CD163L1: variants seen among roughly 807,000 people sequenced by gnomAD.
The protein encoded by CD163L1 is scavenger receptor cysteine-rich type 1 protein M160.
In CD163L1, 124 loss-of-function variants were observed where a neutral mutation model predicts 165.4. The ratio of observed to expected loss-of-function variants is 0.75; its 90% CI spans 0.65 to 0.87. The LOEUF (loss-of-function observed/expected upper bound fraction) is 0.87, where lower values mean the gene tolerates loss of function less well. Ranked by LOEUF, CD163L1 falls within the 40% of genes least tolerant of loss-of-function variation. CD163L1 has a pLI of 0.00. For synonymous variants in CD163L1, 585 were observed against 662.2 expected, an observed-to-expected ratio of 0.88 and a Z score of 1.79; for missense variants, 1,525 against 1,799.9, an observed-to-expected ratio of 0.85 and a Z score of 2.76.
intron 9 of CD163L1, among the ~76,000 whole-genome samples, chr12:7,378,155 T>A (rs187764272): frequency 6.6e-6 from 1 of 152,352 alleles, no homozygotes; most frequent in East Asian, 1.9e-4. Flanking sequence ...GAAACCTTTA[T>A]CTTTATTTCC....
chr12:7,440,068 T>C, intron 2 of CD163L1: 1 of 1,094,176 alleles, frequency 9.1e-7, no homozygotes, highest in Non-Finnish European at 1.4e-6. Flanking sequence ...CGCTCCGCCC[T>C]ACTCCACATC....
rs1555200524 is a variant in CD163L1 at position 7,408,093 on chromosome 12, A to ATATATC, written c.767-1242_767-1241insGATATA. On this transcript the variant is annotated intron_variant, in intron 4 of 19. Coordinates refer to ENST00000313599, the MANE Select transcript of CD163L1 (RefSeq NM_174941.6). Reference sequence around the variant, plus strand: ...GAACACTACATATATATATATATATATCATATATATGCCTAGGTCTTCCAA... The same window carrying ATATATC: ...GAACACTACATATATATATATATATATATATCTCATATATATGCCTAGGTCTTCCAA... Among the ~76,000 whole-genome samples, 551 of 150,192 alleles carry ATATATC rather than the reference A, an allele frequency of 3.7e-3. 3 individuals are homozygous for ATATATC. Among genetic ancestry groups the ATATATC allele is most frequent in the South Asian group, 0.011 (54 of 4,796 alleles).
intron 6 of CD163L1, among the ~76,000 whole-genome samples, chr12:7,399,491 C>CTTCCTA: frequency 6.6e-6 from 1 of 151,094 alleles, no homozygotes; most frequent in South Asian, 2.1e-4. Flanking sequence ...TCTTCTTCCT[C>CTTCCTA]TTCCTCCCTT....
rs1258629062 is a variant in CD163L1, at chr12:7,368,905, GT to G, written c.4072+27del. 3.7e-6 allele frequency: 6 copies of G among 1,611,814 alleles called. No individual in the cohort carries two copies. Among genetic ancestry groups the G allele is most frequent in the East Asian group, 2.2e-5 (1 of 44,854 alleles). On this transcript the variant is annotated intron_variant, in intron 16 of 19. Coordinates refer to ENST00000313599, the MANE Select transcript of CD163L1 (RefSeq NM_174941.6). This position sits in a 1 kb window ranked among gnomAD's most constrained non-coding sequence, Gnocchi z 4.3. ...CTTCCATGTAGCCTTAGGTATTTGT[GT>G]CAGCACTGATAGGCAGAAGACTATA...
chr12:7,324,304 G>A, the CD163L1 span: 1 of 1,613,678 alleles, frequency 6.2e-7, no homozygotes, highest in South Asian at 1.1e-5. Flanking sequence ...GCCACGATAA[G>A]AGGAGATTTT....
rs1369974665 is a variant in CD163L1 at position 7,438,859 on chromosome 12, C to A, written c.124+2295G>T. On this transcript the variant is annotated intron_variant, in intron 2 of 19. Coordinates refer to ENST00000313599, the MANE Select transcript of CD163L1 (RefSeq NM_174941.6). ...CCTTTGGCGTTTGGACAGATATAGG[C>A]ATAAGCTTCTCTAACTCTGCAGCAC... The A allele has an allele frequency of 1.9e-5, 30 of 1,572,964 alleles. No homozygotes were observed. The Middle Eastern group carries it at 5.0e-4, about 26-fold the overall frequency.
downstream of CD163L1, among the ~76,000 whole-genome samples, chr12:7,345,167 C>A (rs943449870): frequency 6.6e-6 from 1 of 150,720 alleles, no homozygotes; most frequent in African/African-American, 2.4e-5. Flanking sequence ...CATGGCTAGG[C>A]TACAAATTAT....
chr12:7,350,663 C>A (rs1479295163), downstream of CD163L1, among the ~76,000 whole-genome samples: 2 of 152,104 alleles, frequency 1.3e-5, no homozygotes, highest in Non-Finnish European at 2.9e-5. Context: ...TGTGAAGTTA[C>A]TATTATAAGC....
At chr12:7,336,549 C>G in the CD163L1 span, among the ~76,000 whole-genome samples, 547 of 152,108 alleles carry the variant, frequency 3.6e-3, 3 homozygotes, top group African/African-American at 0.013. Flanking sequence ...AGGAGATAGA[C>G]CTAATGCTAA....
At chr12:7,367,841 T>C (rs146695622) in intron 17 of CD163L1, among the ~76,000 whole-genome samples, 60 of 152,360 alleles carry the variant, frequency 3.9e-4, no homozygotes, top group African/African-American at 1.3e-3. Context: ...GCTAAGATAT[T>C]TGCCTATCTG....
At chr12:7,331,147 C>A in the CD163L1 span, among the ~76,000 whole-genome samples, 886 of 152,388 alleles carry the variant, frequency 5.8e-3, 7 homozygotes, top group African/African-American at 0.01. Context: ...TATCCCACAC[C>A]TGGCTCAGAG....
At chr12:7,421,601 GTACACATATACATATATGTACATATATA>G (rs1948427373) in intron 4 of CD163L1, among the ~76,000 whole-genome samples, 3 of 10,138 alleles carry the variant, frequency 3.0e-4, no homozygotes, top group Non-Finnish European at 8.8e-4. Flanking sequence ...ATACATATAT[GTACACATATACATATATGTACATATATA>G]CATATATGTA....
At chr12:7,439,721 AG>A (rs1208076676) in intron 2 of CD163L1, 5 of 1,610,956 alleles carry the variant, frequency 3.1e-6, no homozygotes, top group Non-Finnish European at 4.2e-6. Context: ...TCGGGCTCCC[AG>A]GTATCGTCAT....
chr12:7,439,733 C>T, intron 2 of CD163L1: 2 of 1,611,396 alleles, frequency 1.2e-6, no homozygotes, highest in South Asian at 1.1e-5. Context: ...GTATCGTCAT[C>T]CGATGTATAG....
In CD163L1 at chr12:7,374,461, G is replaced by C. The variant is rs769675914; in HGVS notation, c.3390C>G (p.Asp1130Glu). The C allele has an allele frequency of 5.0e-6, 8 of 1,613,216 alleles. No individual in the cohort carries two copies. The highest frequency in any genetic ancestry group is 2.7e-5 in the African/African-American group (2 of 75,062). ...ACAGACCTGAGCAGATGACCCCTGC[G>C]TCCTCCTTGTGCCTGCAGTCGTGCT... Reference protein sequence around the residue: ...WGQHDCRHKEDAGVICSEFTA... With the variant: ...WGQHDCRHKEEAGVICSEFTA... The change falls in exon 13 of 20, where the codon GAC becomes GAG. Residue 1130 changes from aspartate (D) to glutamate (E), a missense_variant. By Grantham distance (45) the Asp-to-Glu change is conservative. Coordinates refer to ENST00000313599, the MANE Select transcript of CD163L1 (RefSeq NM_174941.6). The surrounding 1 kb of genome is among the most constrained non-coding windows in gnomAD (Gnocchi z 5.4).
chr12:7,357,786 A>G (rs1591868193), intron 18 of CD163L1, among the ~76,000 whole-genome samples: 1 of 152,272 alleles, frequency 6.6e-6, no homozygotes, highest in African/African-American at 2.4e-5. Context: ...TAAAAATGGG[A>G]CAAGTAAAAC....
chr12:7,403,810 C>A lies in CD163L1; in HGVS notation c.1133G>T (p.Cys378Phe). Reference sequence around the variant, plus strand: ...AATTCTCACCTCTACTCTCCCTGAACAATTGTTACTTCCATCTGCTAGTCG... The same window carrying A: ...AATTCTCACCTCTACTCTCCCTGAAAAATTGTTACTTCCATCTGCTAGTCG... ...ELRLADGSNN[C>F]SGRVEVRIHE... is the part of the protein sequence containing the mutation. The change falls in exon 6 of 20, where the codon TGT becomes TTT. Residue 378 changes from cysteine to phenylalanine, a missense_variant. Coordinates refer to ENST00000313599, the MANE Select transcript of CD163L1 (RefSeq NM_174941.6). 6.2e-7 allele frequency: 1 copy of A among 1,613,712 alleles called. No individual in the cohort carries two copies. Among genetic ancestry groups the A allele is most frequent in the Non-Finnish European group, 8.5e-7 (1 of 1,179,894 alleles).
chr12:7,415,829 T>C (rs1948227730), intron 4 of CD163L1, among the ~76,000 whole-genome samples: 1 of 152,248 alleles, frequency 6.6e-6, no homozygotes. Flanking sequence ...CTATCATTGA[T>C]GGGCATTTAA....
chr12:7,403,082 G>C (rs538808137), intron 6 of CD163L1, among the ~76,000 whole-genome samples: 24 of 151,330 alleles, frequency 1.6e-4, no homozygotes, highest in Admixed American at 1.6e-3. Flanking sequence ...ATTATACATC[G>C]TATCAACATA....
Sources: allele counts gnomAD v4.1 joint callset (sites outside exome capture counted in the v4.1 genomes callset), GRCh38; gene constraint gnomAD v4.1.1; non-coding constraint Gnocchi (gnomAD v3.1); transcripts MANE v1.5; gene names NCBI Gene and HGNC (gene_info 2026-07-23, HGNC 2026-07-21).